Variants in FBXL17 observed in about 807,000 individuals in gnomAD.
FBXL17 encodes the protein F-box and leucine rich repeat protein 17.
In FBXL17, 22 loss-of-function variants were observed where a neutral mutation model predicts 66.2. The observed-to-expected ratio is 0.33, with a 90% CI of 0.24 to 0.47. FBXL17 has a LOEUF of 0.47. Ranked by LOEUF, FBXL17 falls within the 20% of genes least tolerant of loss-of-function variation. The pLI, the probability that FBXL17 is intolerant of heterozygous loss-of-function variation, is 1.00. For missense variants in FBXL17, 878 were observed against 948.2 expected, an observed-to-expected ratio of 0.93 and a Z score of 0.97; for synonymous variants, 474 against 400.5, an observed-to-expected ratio of 1.18 and a Z score of -2.19.
chr5:107,875,814 A>G (rs1438557877), intron 8 of FBXL17, among the ~76,000 whole-genome samples: 1 of 152,214 alleles, frequency 6.6e-6, no homozygotes, highest in African/African-American at 2.4e-5. Flanking sequence ...AAATGAATTA[A>G]TTCGATTATT....
At chr5:108,122,043 C>T (rs1171880212) in intron 6 of FBXL17, among the ~76,000 whole-genome samples, 1 of 152,080 alleles carries the variant, frequency 6.6e-6, no homozygotes, top group African/African-American at 2.4e-5. Context: ...ATATTAAAAA[C>T]ATCTTTGAAA....
chr5:108,126,980 C>T (rs1204138213), intron 6 of FBXL17, among the ~76,000 whole-genome samples: 4 of 151,950 alleles, frequency 2.6e-5, no homozygotes, highest in African/African-American at 9.7e-5. Flanking sequence ...TTTAAAGTCA[C>T]CAGAAACCCT....
In FBXL17 at chr5:108,014,017, A is replaced by G. The variant is rs138891395; in HGVS notation, c.1822+6908T>C. ...GATATAATACTGATAATCGTCAATA[A>G]TAATTCTATATATATACCTTTAGAT... is the stretch of plus-strand genomic sequence containing the variant. On this transcript the variant is annotated intron_variant, in intron 7 of 8. Transcript: ENST00000542267. Among the ~76,000 whole-genome samples the G allele has an allele frequency of 4.7e-3, 709 of 152,292 alleles. 8 individuals carry two copies. The highest frequency in any genetic ancestry group is 0.014 in the South Asian group (66 of 4,824).
At chr5:108,115,109 T>TTAGGAAATA (rs1294309999) in intron 6 of FBXL17, among the ~76,000 whole-genome samples, 7 of 152,168 alleles carry the variant, frequency 4.6e-5, no homozygotes, top group Admixed American at 1.3e-4. Flanking sequence ...GGAATGATTA[T>TTAGGAAATA]TAGGAAATAT....
At chr5:108,322,688 A>G (rs1759673469) in intron 4 of FBXL17, among the ~76,000 whole-genome samples, 1 of 151,906 alleles carries the variant, frequency 6.6e-6, no homozygotes, top group Non-Finnish European at 1.5e-5. Context: ...TTAGAGGTAA[A>G]CTATTACTCT....
chr5:108,173,076 C>G (rs1752666941), intron 6 of FBXL17, among the ~76,000 whole-genome samples: 1 of 152,162 alleles, frequency 6.6e-6, no homozygotes, highest in Admixed American at 6.5e-5. Flanking sequence ...GCTGGGATTA[C>G]AGGTGTGAGC....
At chr5:108,134,166 T>G (rs2149979474) in intron 6 of FBXL17, among the ~76,000 whole-genome samples, 1 of 152,234 alleles carries the variant, frequency 6.6e-6, no homozygotes, top group South Asian at 2.1e-4. Context: ...CTCTAGTATT[T>G]GCTAAAAGAC....
At chr5:108,183,506 G>C (rs1302762305) in intron 6 of FBXL17, among the ~76,000 whole-genome samples, 1 of 152,164 alleles carries the variant, frequency 6.6e-6, no homozygotes, top group African/African-American at 2.4e-5. Flanking sequence ...TGATTATAGA[G>C]AAGAATTTTA....
chr5:108,215,584 G>C (rs996920094), intron 5 of FBXL17, among the ~76,000 whole-genome samples: 2 of 152,172 alleles, frequency 1.3e-5, no homozygotes, highest in African/African-American at 4.8e-5. Flanking sequence ...TTGTTGCTAA[G>C]ATATGAGTTA....
intron 7 of FBXL17, among the ~76,000 whole-genome samples, chr5:107,980,664 A>ATATATATATATTTTTTTTT: frequency 1.6e-5 from 1 of 62,078 alleles, no homozygotes; most frequent in African/African-American, 1.0e-4. Context: ...ATATATATAT[A>ATATATATATATTTTTTTTT]TTTTTTTTTT....
chr5:108,197,982 G>C lies in FBXL17; in HGVS notation c.1615-11735C>G, dbSNP rs572197167. Among the ~76,000 whole-genome samples, 147 of 152,196 alleles carry C rather than the reference G, an allele frequency of 9.7e-4. 1 individual carries two copies. The South Asian group carries it at 0.024, about 25-fold the overall frequency. ...CCGTGATCAGATACTGTTTCAAAGAGTGGATGAGAAACTTTCGTCTTTTGA... is the reference window on the plus strand; with the variant it reads ...CCGTGATCAGATACTGTTTCAAAGACTGGATGAGAAACTTTCGTCTTTTGA... On this transcript the variant is annotated intron_variant, in intron 5 of 8. Coordinates refer to ENST00000542267, the MANE Select transcript of FBXL17 (RefSeq NM_001163315.3).
rs1219974537 is a variant in FBXL17 at position 108,381,075 on chromosome 5, G to C, written c.617C>G (p.Ala206Gly). The C allele has an allele frequency of 1.3e-5, 16 of 1,246,886 alleles. No individual in the cohort carries two copies. Among genetic ancestry groups the C allele is most frequent in the Non-Finnish European group, 1.6e-5 (16 of 996,194 alleles). The allele number at this position is 1,246,886 out of a possible 1,614,324, so 77.2% of individuals were successfully genotyped here. ...VCKRKGAGVP[A>G]CTPCKQPRCG... The stretch of plus-strand genomic sequence containing the variant: ...GCGGGGCTGCTTGCAGGGGGTGCAG[G>C]CGGGGACCCCGGCCCCCTTCCGCTT... Residue 206 changes from alanine to glycine, a missense_variant, in exon 1 of 9, where the codon GCC becomes GGC. By Grantham distance (60) the Ala-to-Gly change is moderately conservative. Around this residue, in one of 4 missense-constraint regions of FBXL17, gnomAD observed 605 missense variants for 509.5 expected, o/e 1.19. Transcript: ENST00000542267.
intron 5 of FBXL17, among the ~76,000 whole-genome samples, chr5:108,191,771 T>C (rs1224292878): frequency 6.6e-6 from 1 of 152,234 alleles, no homozygotes; most frequent in Non-Finnish European, 1.5e-5. Context: ...TCTTACTGCC[T>C]GTATGTACTG....
intron 8 of FBXL17, among the ~76,000 whole-genome samples, chr5:107,869,815 G>A (rs180944423): frequency 4.1e-4 from 62 of 152,248 alleles, no homozygotes; most frequent in East Asian, 1.7e-3. Context: ...TTGTTCTCTC[G>A]TGTGATCAGC....
At chr5:108,359,983 C>A (rs1457868786) in intron 3 of FBXL17, among the ~76,000 whole-genome samples, 1 of 152,056 alleles carries the variant, frequency 6.6e-6, no homozygotes, top group African/African-American at 2.4e-5. Context: ...TTGTTAGGTA[C>A]ATATGTGGTT....
Position 107,981,598 on chromosome 5 carries a change from C to T in FBXL17, c.1822+39327G>A, listed in dbSNP as rs79549801. 3.7e-4 allele frequency among the ~76,000 whole-genome samples: 57 copies of T among 152,368 alleles called. 2 individuals carry two copies. In the East Asian group the frequency reaches 6.9e-3, roughly 19 times the overall value. ...CGCTTTGAGTGTCCCACTGGTCTAA[C>T]GGAACACTTCTCCGTTCTGCCCAGA... On this transcript the variant is annotated intron_variant, in intron 7 of 8. Transcript: ENST00000542267.
At position 108,381,602 on chromosome 5, in the gene FBXL17, G is replaced by A. The variant is rs1343734702; in HGVS notation, c.90C>T (p.Leu30=). 2 of 1,480,182 alleles carry A rather than the reference G, an allele frequency of 1.4e-6. No homozygotes were observed. The highest frequency in any genetic ancestry group is 2.3e-5 in the Admixed American group (1 of 42,558). The allele number at this position is 1,480,182 out of a possible 1,614,324, so 91.7% of individuals were successfully genotyped here. A position where few individuals can be genotyped will look rare whatever the true frequency, so the allele number is the denominator to read the frequency against. ...CTGGGGTCCGGCGGGGCAGCCTGAG[G>A]AGAGGGCGCCGGCGGCGGCACCAAC... is the stretch of plus-strand genomic sequence containing the variant. ...CCSWCRRRRP[L]LRLPRRTPAK... Residue 30 remains leucine (L), a synonymous_variant, in exon 1 of 9, where the codon CTC becomes CTT. Coordinates refer to ENST00000542267, the MANE Select transcript of FBXL17 (RefSeq NM_001163315.3).
intron 6 of FBXL17, among the ~76,000 whole-genome samples, chr5:108,135,139 A>G (rs1278058344): frequency 6.6e-6 from 1 of 151,968 alleles, no homozygotes; most frequent in East Asian, 1.9e-4. Context: ...AAGAGTACCA[A>G]TGGATATCAT....
At chr5:108,148,064 CAGAT>C (rs1397297552) in intron 6 of FBXL17, among the ~76,000 whole-genome samples, 2 of 152,000 alleles carry the variant, frequency 1.3e-5, no homozygotes, top group African/African-American at 4.8e-5. Flanking sequence ...AAAATTATCT[CAGAT>C]GGAAGGACAG....
Sources: allele counts gnomAD v4.1 joint callset (sites outside exome capture counted in the v4.1 genomes callset), GRCh38; gene constraint gnomAD v4.1.1; regional missense constraint gnomAD v4.1.1; transcripts MANE v1.5; gene names NCBI Gene and HGNC (gene_info 2026-07-23, HGNC 2026-07-21).